AFF3: variants seen among roughly 807,000 people sequenced by gnomAD.
The protein encoded by AFF3 is AF4/FMR2 family member 3.
A neutral mutation model predicts 129.7 loss-of-function variants in AFF3; 32 were observed. That is an observed-to-expected ratio of 0.25 (90% CI 0.19 to 0.33). AFF3 has a LOEUF of 0.33. Ranked by LOEUF, AFF3 falls within the 10% of genes least tolerant of loss-of-function variation. AFF3 has a pLI of 1.00. For missense variants in AFF3, 1,373 were observed against 1,592.0 expected (o/e 0.86, Z 2.34); for synonymous variants, 644 against 635.4 (o/e 1.01, Z -0.20).
intron 11 of AFF3, among the ~76,000 whole-genome samples, chr2:99,700,000 C>T (rs578234495): frequency 5.3e-5 from 8 of 152,146 alleles, no homozygotes; most frequent in Non-Finnish European, 1.2e-4. Flanking sequence ...CCTCATTTAG[C>T]GTGGAAGAAA....
At chr2:100,129,159 T>C (rs955196357) in intron 2 of AFF3, 65 bp downstream of exon 2, 15 of 152,160 alleles carry the variant, frequency 9.9e-5, no homozygotes, top group African/African-American at 3.6e-4. Flanking sequence ...AAATCCCAAA[T>C]GACTTTTCCC....
At chr2:100,028,563 C>CAT (rs890536519) in intron 4 of AFF3, among the ~76,000 whole-genome samples, 3 of 151,912 alleles carry the variant, frequency 2.0e-5, no homozygotes, top group Non-Finnish European at 2.9e-5. Context: ...TGTGCATATA[C>CAT]ATATATATAT....
At chr2:99,964,609 T>C (rs966740767) in intron 7 of AFF3, among the ~76,000 whole-genome samples, 5 of 152,198 alleles carry the variant, frequency 3.3e-5, no homozygotes, top group Admixed American at 6.5e-5. Context: ...GCAGCTAAAG[T>C]AATGCTGAGC....
At position 99,674,043 on chromosome 2, in the gene AFF3, C is replaced by T. The variant is rs556038589; in HGVS notation, c.1092-1454G>A. Among the ~76,000 whole-genome samples the T allele has an allele frequency of 5.3e-5, 8 of 152,210 alleles. No individual in the cohort carries two copies. The East Asian group carries it at 9.6e-4, about 18-fold the overall frequency. ...CTTCTATTTGCTCTAGAGAATACAA[C>T]GGAGAAACTTCTAAGTAGTTTTTAG... On this transcript the variant is annotated intron_variant, in intron 11 of 24. Transcript: ENST00000672756.
intron 7 of AFF3, among the ~76,000 whole-genome samples, chr2:99,933,807 C>A (rs1046826848): frequency 6.6e-6 from 1 of 152,142 alleles, no homozygotes; most frequent in Non-Finnish European, 1.5e-5. Flanking sequence ...AATAAACATA[C>A]ATGTACATGT....
chr2:99,817,827 T>C (rs933602205), intron 8 of AFF3, among the ~76,000 whole-genome samples: 1 of 152,246 alleles, frequency 6.6e-6, no homozygotes, highest in Non-Finnish European at 1.5e-5. Flanking sequence ...CTGTATTTAC[T>C]ACATTGAATA....
chr2:99,946,623 G>C (rs1675601755), intron 7 of AFF3, among the ~76,000 whole-genome samples: 1 of 151,686 alleles, frequency 6.6e-6, no homozygotes, highest in Admixed American at 6.6e-5. Flanking sequence ...CTAGCAGACT[G>C]ACAGTTACCA....
At position 99,695,431 on chromosome 2, in the gene AFF3, C is replaced by T. The variant is rs745557987; in HGVS notation, c.1092-22842G>A. 9.6e-4 allele frequency among the ~76,000 whole-genome samples: 146 copies of T among 152,342 alleles called. No homozygotes were observed. The Middle Eastern group carries it at 0.01, about 11-fold the overall frequency. ...AGCTTCCCAACAACCAGGGGATATA[C>T]TGCTGGCTCCTACATCTATGGGCAC... On this transcript the variant is annotated intron_variant, in intron 11 of 24. Transcript: ENST00000672756.
At chr2:99,868,713 G>A (rs1224484677) in intron 7 of AFF3, among the ~76,000 whole-genome samples, 3 of 152,152 alleles carry the variant, frequency 2.0e-5, no homozygotes, top group African/African-American at 7.2e-5. Flanking sequence ...CTATTCTCTG[G>A]GTGGTCACTG....
intron 4 of AFF3, among the ~76,000 whole-genome samples, chr2:100,057,083 A>G (rs927312187): frequency 6.6e-6 from 1 of 152,142 alleles, no homozygotes; most frequent in Non-Finnish European, 1.5e-5. Context: ...AACTTTGGGA[A>G]GCCAAGACGG....
rs10198186 is a variant in AFF3 at position 99,965,087 on chromosome 2, G to C, written c.873+41545C>G. On this transcript the variant is annotated intron_variant, in intron 7 of 24. Transcript: ENST00000672756. ...CTCTCCAAAACTAGGATTTGAGATT[G>C]TTGTCTGAGATTTCAACTTTATAAA... 3.8e-3 allele frequency among the ~76,000 whole-genome samples: 575 copies of C among 152,284 alleles called. 3 individuals are homozygous for C. The highest frequency in any genetic ancestry group is 0.013 in the African/African-American group (548 of 41,550).
chr2:99,770,301 C>T (rs566276974), intron 8 of AFF3, among the ~76,000 whole-genome samples: 19 of 152,254 alleles, frequency 1.2e-4, no homozygotes, highest in Admixed American at 1.1e-3. Context: ...AGGCCACTGC[C>T]GATGTTAACT....
chr2:99,666,860 C>G (rs953506535), intron 12 of AFF3, among the ~76,000 whole-genome samples: 2 of 151,998 alleles, frequency 1.3e-5, no homozygotes, highest in African/African-American at 4.8e-5. Context: ...TATAGCAATC[C>G]TAAATGTACA....
In AFF3 at chr2:99,548,759, A is replaced by C. The variant is rs945395928; in HGVS notation, c.*2715T>G. 3 of 230,460 alleles carry C rather than the reference A, an allele frequency of 1.3e-5. No homozygotes were observed. Among genetic ancestry groups the C allele is most frequent in the African/African-American group, 6.6e-5 (3 of 45,194 alleles). 14.3% of individuals were successfully genotyped at this position (230,460 alleles called of 1,614,324 possible). A position where few individuals can be genotyped will look rare whatever the true frequency, so the allele number is the denominator to read the frequency against. Reference sequence around the variant, plus strand: ...CCCGGTCTCAAAACCAACCAAACCAACAACAACAGCAGTAACAACAAAACT... The same window carrying C: ...CCCGGTCTCAAAACCAACCAAACCACCAACAACAGCAGTAACAACAAAACT... On this transcript the variant is annotated 3_prime_UTR_variant, in exon 25 of 25. Transcript: ENST00000672756.
chr2:99,916,037 A>G, intron 7 of AFF3, among the ~76,000 whole-genome samples: 1 of 152,210 alleles, frequency 6.6e-6, no homozygotes, highest in East Asian at 1.9e-4. Context: ...ACCTAAAGAG[A>G]CAATCTGAAC....
At chr2:99,875,193 C>A (rs2105983118) in intron 7 of AFF3, among the ~76,000 whole-genome samples, 1 of 152,220 alleles carries the variant, frequency 6.6e-6, no homozygotes, top group South Asian at 2.1e-4. Context: ...CAGCTCAGAG[C>A]ACTGCAACCT....
chr2:100,106,565 G>C (rs1691311050), intron 2 of AFF3: 1 of 994,122 alleles, frequency 1.0e-6, no homozygotes, highest in Non-Finnish European at 1.2e-6. Context: ...GCTGGGGGTG[G>C]AGGGTGGAGG....
chr2:100,031,322 A>G (rs1359094851), intron 4 of AFF3, among the ~76,000 whole-genome samples: 2 of 152,222 alleles, frequency 1.3e-5, no homozygotes, highest in African/African-American at 4.8e-5. Flanking sequence ...CACATATGCA[A>G]CGGAAGGAAG....
intron 12 of AFF3, among the ~76,000 whole-genome samples, chr2:99,670,584 A>G (rs1293391770): frequency 1.3e-5 from 2 of 152,130 alleles, no homozygotes; most frequent in Non-Finnish European, 2.9e-5. Context: ...TGCTTCCGGG[A>G]TAAAGCATAG....
Sources: allele counts gnomAD v4.1 joint callset (sites outside exome capture counted in the v4.1 genomes callset), GRCh38; gene constraint gnomAD v4.1.1; transcripts MANE v1.5; gene names NCBI Gene and HGNC (gene_info 2026-07-23, HGNC 2026-07-21).